The following PCDH15 variants were observed in gnomAD, a reference collection of about 807,000 sequenced individuals.
The protein encoded by PCDH15 is protocadherin-15.
Under a neutral mutation model 178.5 loss-of-function variants are expected in PCDH15, and 129 were observed. The observed-to-expected ratio is 0.72, with a 90% confidence interval of 0.63 to 0.84. The LOEUF (loss-of-function observed/expected upper bound fraction) is 0.84. Ranked by LOEUF, PCDH15 falls within the 40% of genes least tolerant of loss-of-function variation. PCDH15 has a pLI of 0.00. For missense variants in PCDH15, 2,230 were observed against 2,099.9 expected, an observed-to-expected ratio of 1.06 and a Z score of -1.21; for synonymous variants, 800 against 732.0, an observed-to-expected ratio of 1.09 and a Z score of -1.50.
chr10:54,466,161 C>T (rs1416554068), intron 3 of PCDH15, among the ~76,000 whole-genome samples: 2 of 151,796 alleles, frequency 1.3e-5, no homozygotes, highest in African/African-American at 2.4e-5. Flanking sequence ...CAGATTGTTT[C>T]TTTACTCTGT....
rs147982665 is a variant in PCDH15, at chr10:55,276,408, T to C, written c.-156+43191A>G. ...TGGAATTTTCATAGTATTTCTAATT[T>C]GCTAATTTTTTTCTAAATCATGAAC... On this transcript the variant is annotated intron_variant, in intron 1 of 5. Transcript: ENST00000458638. 4.0e-5 allele frequency among the ~76,000 whole-genome samples: 6 copies of C among 151,366 alleles called. No homozygotes were observed. The East Asian group carries it at 1.2e-3, about 30-fold the overall frequency.
At chr10:54,752,089 T>C (rs2132987177) in intron 1 of PCDH15, among the ~76,000 whole-genome samples, 1 of 152,288 alleles carries the variant, frequency 6.6e-6, no homozygotes, top group South Asian at 2.1e-4. Context: ...TTTCAATTTG[T>C]TCTGAAAGCT....
chr10:55,003,008 A>T (rs1839828460), intron 2 of PCDH15, among the ~76,000 whole-genome samples: 1 of 152,152 alleles, frequency 6.6e-6, no homozygotes, highest in Non-Finnish European at 1.5e-5. Flanking sequence ...ATTTTTATAT[A>T]GATGTGTTGT....
In PCDH15 at chr10:54,359,979, C is replaced by G. The variant is rs527474079; in HGVS notation, c.474+9141G>C. Among the ~76,000 whole-genome samples the G allele has an allele frequency of 2.0e-5, 3 of 152,032 alleles. No homozygotes were observed. In the South Asian group the frequency reaches 6.2e-4, roughly 32 times the overall value. On this transcript the variant is annotated intron_variant, in intron 5 of 37. Transcript: ENST00000644397. The stretch of plus-strand genomic sequence containing the variant: ...TTACTAATTAAATCAGCATGTAATA[C>G]CAGGTAAGAAGAAATACTGAAACTG...
intron 3 of PCDH15, among the ~76,000 whole-genome samples, chr10:54,852,726 G>A (rs1306693238): frequency 1.3e-5 from 2 of 151,606 alleles, no homozygotes; most frequent in Admixed American, 6.6e-5. Context: ...GGTGGTAGGC[G>A]CCTGTAATCC....
At chr10:53,925,466 ACACT>A (rs1185722456) in intron 25 of PCDH15, among the ~76,000 whole-genome samples, 2 of 152,310 alleles carry the variant, frequency 1.3e-5, no homozygotes, top group Non-Finnish European at 1.5e-5. Context: ...TAGAACCCTA[ACACT>A]CACCGCGAGG....
intron 3 of PCDH15, among the ~76,000 whole-genome samples, chr10:54,441,713 T>C (rs570131514): frequency 6.6e-6 from 1 of 151,892 alleles, no homozygotes; most frequent in Non-Finnish European, 1.5e-5. Context: ...TTGAGAAATC[T>C]TGTCTTCTTA....
intron 1 of PCDH15, among the ~76,000 whole-genome samples, chr10:54,698,810 C>T (rs1176578890): frequency 6.6e-6 from 1 of 152,084 alleles, no homozygotes; most frequent in Non-Finnish European, 1.5e-5. Context: ...TCTTCCCTGA[C>T]AACTGAGCCA....
At chr10:54,979,719 A>T (rs924528935) in intron 2 of PCDH15, among the ~76,000 whole-genome samples, 2 of 151,774 alleles carry the variant, frequency 1.3e-5, no homozygotes. Flanking sequence ...AGAAAAATGG[A>T]TAAAGAAAAT....
intron 3 of PCDH15, among the ~76,000 whole-genome samples, chr10:54,457,003 C>A (rs541131696): frequency 1.3e-4 from 20 of 152,228 alleles, no homozygotes; most frequent in African/African-American, 4.3e-4. Flanking sequence ...TCTTTATAAA[C>A]TACCCAGTCA....
intron 37 of PCDH15, chr10:53,808,949 T>C (rs2132370233): frequency 1.3e-6 from 2 of 1,559,274 alleles, no homozygotes; most frequent in East Asian, 4.8e-5. Flanking sequence ...GCTGGTCCAC[T>C]TTCTTCTTCT....
intron 28 of PCDH15, among the ~76,000 whole-genome samples, chr10:53,851,389 A>G (rs1033463006): frequency 6.6e-6 from 1 of 151,822 alleles, no homozygotes; most frequent in African/African-American, 2.4e-5. Flanking sequence ...CTGTTCACTG[A>G]TAATCTCCAG....
chr10:55,399,493 G>A (rs1838012337), intron 2 of PCDH15, among the ~76,000 whole-genome samples: 1 of 152,016 alleles, frequency 6.6e-6, no homozygotes, highest in Admixed American at 6.6e-5. Context: ...TTGAAGACCA[G>A]GAAATAATGA....
chr10:54,220,142 G>A (rs1021605815), intron 9 of PCDH15, among the ~76,000 whole-genome samples: 2 of 152,182 alleles, frequency 1.3e-5, no homozygotes, highest in African/African-American at 2.4e-5. Context: ...ACCCAAAATG[G>A]TGAAGATAAT....
At chr10:54,134,445 T>C (rs1289266759) in intron 14 of PCDH15, among the ~76,000 whole-genome samples, 1 of 152,108 alleles carries the variant, frequency 6.6e-6, no homozygotes, top group Admixed American at 6.6e-5. Flanking sequence ...AACATTCTAC[T>C]TTTCAAAACC....
intron 2 of PCDH15, among the ~76,000 whole-genome samples, chr10:55,461,941 T>A (rs1379506605): frequency 6.6e-6 from 1 of 152,084 alleles, no homozygotes; most frequent in Non-Finnish European, 1.5e-5. Context: ...GAAACATCCT[T>A]ACTATGCCAC....
At chr10:54,591,353 T>C (rs925111686) in intron 2 of PCDH15, among the ~76,000 whole-genome samples, 1 of 152,194 alleles carries the variant, frequency 6.6e-6, no homozygotes, top group African/African-American at 2.4e-5. Flanking sequence ...AGAAATGTGA[T>C]TGTAGAAGAA....
chr10:53,876,432 C>T (rs1360311820), intron 26 of PCDH15, among the ~76,000 whole-genome samples: 1 of 151,980 alleles, frequency 6.6e-6, no homozygotes, highest in Non-Finnish European at 1.5e-5. Context: ...GTGATCCACC[C>T]GGCTCGGCCT....
intron 9 of PCDH15, among the ~76,000 whole-genome samples, chr10:54,217,582 T>C (rs751586977): frequency 7.2e-5 from 11 of 152,188 alleles, no homozygotes; most frequent in Non-Finnish European, 1.0e-4. Context: ...AGAACACCTA[T>C]GGTTTTGATT....
Sources: allele counts gnomAD v4.1 joint callset (sites outside exome capture counted in the v4.1 genomes callset), GRCh38; gene constraint gnomAD v4.1.1; transcripts MANE v1.5; gene names NCBI Gene and HGNC (gene_info 2026-07-23, HGNC 2026-07-21).